Variants in MESD observed in about 807,000 individuals in gnomAD.
The protein encoded by MESD is LRP chaperone MESD.
Under a neutral mutation model 12.9 loss-of-function variants are expected in MESD, and 7 were observed. The ratio of observed to expected loss-of-function variants is 0.54; its 90% CI spans 0.31 to 1.02. MESD has a LOEUF of 1.02. MESD is among the 50% of genes least tolerant of loss of function. The pLI is 0.05. For synonymous variants in MESD, 126 were observed against 115.6 expected (o/e 1.09, Z -0.58); for missense variants, 342 against 296.7 (o/e 1.15, Z -1.12).
chr15:80,973,536 A>G (rs1247665704), downstream of MESD, among the ~76,000 whole-genome samples: 1 of 151,884 alleles, frequency 6.6e-6, no homozygotes, highest in Non-Finnish European at 1.5e-5. Context: ...CCCTGTCTCA[A>G]AAAAAATAAA....
At chr15:80,954,987 G>A (rs966036080) in intron 3 of MESD, among the ~76,000 whole-genome samples, 1 of 152,124 alleles carries the variant, frequency 6.6e-6, no homozygotes, top group Non-Finnish European at 1.5e-5. Flanking sequence ...GTGGTCCATG[G>A]GCCAATGGCA....
downstream of MESD, chr15:80,946,814 C>T: frequency 1.4e-6 from 1 of 693,950 alleles, no homozygotes; most frequent in South Asian, 1.5e-5. Flanking sequence ...CAGCTCAGAA[C>T]ACAGGAGAGG....
At chr15:80,989,542 C>T (rs1375797665) in intron 1 of MESD, 37 bp downstream of exon 1, 1 of 1,598,648 alleles carries the variant, frequency 6.3e-7, no homozygotes, top group African/African-American at 1.3e-5. Flanking sequence ...GGGTCCCGCA[C>T]AGAGAAGAGC....
intron 3 of MESD, among the ~76,000 whole-genome samples, chr15:80,958,801 T>G (rs1017342438): frequency 2.0e-5 from 3 of 152,162 alleles, no homozygotes; most frequent in African/African-American, 7.2e-5. Context: ...CTTTTCAAGG[T>G]CCTTGATGTG....
At chr15:80,952,677 T>C (rs1295822831) in intron 3 of MESD, among the ~76,000 whole-genome samples, 2 of 152,090 alleles carry the variant, frequency 1.3e-5, no homozygotes, top group South Asian at 2.1e-4. Flanking sequence ...CATCTGTGTA[T>C]AGTCAATTCA....
intron 1 of MESD, among the ~76,000 whole-genome samples, chr15:80,985,397 CCT>C (rs1021169990): frequency 1.8e-4 from 28 of 152,124 alleles, no homozygotes; most frequent in African/African-American, 6.5e-4. Context: ...ACTCTTTAGG[CCT>C]CTGTGATCTG....
At chr15:80,988,597 C>G (rs774594715) in intron 1 of MESD, among the ~76,000 whole-genome samples, 1 of 152,216 alleles carries the variant, frequency 6.6e-6, no homozygotes, top group Non-Finnish European at 1.5e-5. Context: ...AAAACACAAG[C>G]CTGCATTCTT....
chr15:80,969,683 C>T (rs189133490), intron 3 of MESD, among the ~76,000 whole-genome samples: 1 of 152,132 alleles, frequency 6.6e-6, no homozygotes, highest in South Asian at 2.1e-4. Context: ...AGTGAAACCC[C>T]GTCTCCACTA....
intron 3 of MESD, among the ~76,000 whole-genome samples, chr15:80,954,550 C>T (rs536297954): frequency 1.2e-3 from 183 of 152,238 alleles, no homozygotes; most frequent in East Asian, 5.4e-3. Context: ...CCTGGCAGTG[C>T]CCTCATGTCC....
At chr15:80,968,841 G>T (rs2141797450) in intron 3 of MESD, among the ~76,000 whole-genome samples, 1 of 152,240 alleles carries the variant, frequency 6.6e-6, no homozygotes, top group South Asian at 2.1e-4. Context: ...CCAGAACTGT[G>T]CTTCAAAGGG....
chr15:80,970,815 C>G (rs1596230468), downstream of MESD, among the ~76,000 whole-genome samples: 1 of 152,092 alleles, frequency 6.6e-6, no homozygotes. Flanking sequence ...AGCCAAGGAG[C>G]AGGATGGGGG....
At chr15:80,960,534 T>C (rs995478277) in intron 3 of MESD, among the ~76,000 whole-genome samples, 1 of 152,224 alleles carries the variant, frequency 6.6e-6, no homozygotes, top group African/African-American at 2.4e-5. Context: ...ATTCTACTTA[T>C]TTGCATCTTT....
downstream of MESD, among the ~76,000 whole-genome samples, chr15:80,972,485 G>A (rs1026658236): frequency 7.9e-5 from 12 of 152,292 alleles, no homozygotes; most frequent in South Asian, 2.5e-3. Context: ...GGGAGAGCAG[G>A]GCAGGGCTGT....
At chr15:80,950,258 GA>G (rs1215224679) in intron 4 of MESD, 1 of 152,304 alleles carries the variant, frequency 6.6e-6, no homozygotes, top group Non-Finnish European at 1.5e-5. Flanking sequence ...CCCAAGATGG[GA>G]AAGAACCACA....
At chr15:80,980,085 G>A (rs754484684) in intron 2 of MESD, among the ~76,000 whole-genome samples, 2 of 152,142 alleles carry the variant, frequency 1.3e-5, no homozygotes, top group Non-Finnish European at 2.9e-5. Context: ...TGTGGCCAGC[G>A]GGCAAGATTC....
chr15:80,981,806 G>A (rs1902586760), intron 2 of MESD, 144 bp downstream of exon 2: 1 of 642,494 alleles, frequency 1.6e-6, no homozygotes, highest in Non-Finnish European at 2.6e-6. Context: ...AGTGAGCCGA[G>A]ATCACGCCGC....
chr15:80,959,787 G>A (rs1191971613), intron 3 of MESD, among the ~76,000 whole-genome samples: 1 of 152,096 alleles, frequency 6.6e-6, no homozygotes, highest in East Asian at 1.9e-4. Context: ...AATAGCTCAT[G>A]TCCCCATTAT....
In MESD at chr15:80,949,285, G is replaced by A. The variant is rs7162397; in HGVS notation, c.*627-387C>T. 4.9e-3 allele frequency: 1,819 copies of A among 371,406 alleles called. 31 individuals carry two copies. The highest frequency in any genetic ancestry group is 0.036 in the African/African-American group (1,699 of 47,712). The allele number at this position is 371,406 out of a possible 1,614,324, so 23.0% of individuals were successfully genotyped here. A position where few individuals can be genotyped will look rare whatever the true frequency, so the allele number is the denominator to read the frequency against. The stretch of plus-strand genomic sequence containing the variant: ...CCACTTTGGCAGGAGCCCTGACCCA[G>A]CTAGGAGGTAGTCTGGAGGGCTGGT... On this transcript the variant is annotated intron_variant, in intron 4 of 4. Transcript: ENST00000561312.
At chr15:80,981,769 C>T (rs1312230591) in intron 2 of MESD, among the ~76,000 whole-genome samples, 181 bp downstream of exon 2, 2 of 151,870 alleles carry the variant, frequency 1.3e-5, no homozygotes, top group Non-Finnish European at 2.9e-5. Context: ...GCAGGAGAAT[C>T]GCTTGAACCA....
Sources: allele counts gnomAD v4.1 joint callset (sites outside exome capture counted in the v4.1 genomes callset), GRCh38; gene constraint gnomAD v4.1.1; transcripts MANE v1.5; gene names NCBI Gene and HGNC (gene_info 2026-07-23, HGNC 2026-07-21).